RBFOX1: variants seen among roughly 807,000 people sequenced by gnomAD.
RBFOX1 encodes the protein RNA binding protein fox-1 homolog 1.
Under a neutral mutation model 57.7 loss-of-function variants are expected in RBFOX1, and 8 were observed. That is an observed-to-expected ratio of 0.14 (90% CI 0.08 to 0.25). The LOEUF (loss-of-function observed/expected upper bound fraction) is 0.25, where lower values mean the gene tolerates loss of function less well. RBFOX1 is among the 10% of genes least tolerant of loss of function. The pLI, the probability that RBFOX1 is intolerant of heterozygous loss-of-function variation, is 1.00. For missense variants in RBFOX1, 611 were observed against 548.5 expected (o/e 1.11, Z -1.14); for synonymous variants, 326 against 222.4 (o/e 1.47, Z -4.15).
chr16:6,933,367 G>C (rs968463276), intron 3 of RBFOX1, among the ~76,000 whole-genome samples: 1 of 152,202 alleles, frequency 6.6e-6, no homozygotes, highest in African/African-American at 2.4e-5. Context: ...AGTGCACAAG[G>C]GTTCCAATCT....
At chr16:7,236,475 G>C (rs1285123561) in intron 4 of RBFOX1, among the ~76,000 whole-genome samples, 1 of 152,016 alleles carries the variant, frequency 6.6e-6, no homozygotes, top group Non-Finnish European at 1.5e-5. Context: ...ATCTCTTTCT[G>C]CTCCATGGTT....
chr16:7,192,171 G>A (rs866923669), intron 4 of RBFOX1, among the ~76,000 whole-genome samples: 87 of 152,312 alleles, frequency 5.7e-4, no homozygotes, highest in Middle Eastern at 3.4e-3. Flanking sequence ...TCGCAATAGC[G>A]GTTCTAGTTC....
intron 2 of RBFOX1, among the ~76,000 whole-genome samples, chr16:5,474,379 C>T (rs1185650571): frequency 6.6e-6 from 1 of 152,178 alleles, no homozygotes; most frequent in African/African-American, 2.4e-5. Flanking sequence ...GACGGCTAGG[C>T]GCGATGGCTC....
At chr16:7,659,183 A>G (rs2109059) in intron 12 of RBFOX1, among the ~76,000 whole-genome samples, 106,655 of 152,104 alleles carry the variant, frequency 0.7, 38,115 homozygotes, top group Admixed American at 0.78. Flanking sequence ...AGTATTTGAG[A>G]AGACTCTATA....
chr16:6,727,669 G>C, intron 3 of RBFOX1, among the ~76,000 whole-genome samples: 1 of 152,038 alleles, frequency 6.6e-6, no homozygotes, highest in Non-Finnish European at 1.5e-5. Flanking sequence ...GTAGAAATGA[G>C]GAATGTGTCT....
chr16:5,818,219 T>C (rs1476416459), intron 3 of RBFOX1, among the ~76,000 whole-genome samples: 1 of 152,174 alleles, frequency 6.6e-6, no homozygotes, highest in Non-Finnish European at 1.5e-5. Flanking sequence ...TCTGACTCAA[T>C]GGTGCCTCCA....
chr16:5,263,266 C>G (rs1277722133), intron 1 of RBFOX1, among the ~76,000 whole-genome samples: 1 of 152,050 alleles, frequency 6.6e-6, no homozygotes, highest in Non-Finnish European at 1.5e-5. Flanking sequence ...AGAAAAGATA[C>G]TTAACTGGTA....
At chr16:7,097,014 G>T (rs9927621) in intron 4 of RBFOX1, among the ~76,000 whole-genome samples, 33,722 of 150,636 alleles carry the variant, frequency 0.22, 4,541 homozygotes, top group African/African-American at 0.36. Flanking sequence ...ACCAGAAAGC[G>T]AAATGAATCC....
intron 3 of RBFOX1, among the ~76,000 whole-genome samples, chr16:6,867,010 G>T: frequency 1.7e-5 from 1 of 57,410 alleles, no homozygotes. Context: ...TGTGTTAGCT[G>T]TTCTTTAAAA....
At chr16:5,969,126 C>T (rs1043070323) in intron 4 of RBFOX1, among the ~76,000 whole-genome samples, 2 of 151,960 alleles carry the variant, frequency 1.3e-5, no homozygotes, top group African/African-American at 4.8e-5. Context: ...TTTCTTGTAT[C>T]CCTTTCTCAA....
At chr16:5,645,955 G>C (rs942490529) in intron 3 of RBFOX1, among the ~76,000 whole-genome samples, 1 of 151,618 alleles carries the variant, frequency 6.6e-6, no homozygotes, top group African/African-American at 2.4e-5. Flanking sequence ...CCTGCCCCAG[G>C]CTCCTGAGTG....
chr16:5,289,310 T>G, intron 1 of RBFOX1: 2 of 411,916 alleles, frequency 4.9e-6, no homozygotes, highest in South Asian at 3.0e-5. Flanking sequence ...ATGGTCAGCC[T>G]CATTCCAGGA....
intron 4 of RBFOX1, among the ~76,000 whole-genome samples, chr16:7,385,111 A>G (rs993867850): frequency 5.3e-5 from 8 of 152,358 alleles, no homozygotes; most frequent in South Asian, 2.1e-4. Context: ...GGGGCACCAG[A>G]GAGGTCTGAG....
At chr16:6,756,883 G>A (rs1044913981) in intron 3 of RBFOX1, among the ~76,000 whole-genome samples, 19 of 152,116 alleles carry the variant, frequency 1.2e-4, no homozygotes, top group African/African-American at 4.6e-4. Context: ...GCTGAGGCAG[G>A]AGAATTGCTT....
intron 14 of RBFOX1, among the ~76,000 whole-genome samples, chr16:7,692,207 G>A (rs2077499425): frequency 6.6e-6 from 1 of 152,030 alleles, no homozygotes; most frequent in Admixed American, 6.6e-5. Context: ...TTATGTAGGA[G>A]AAAAGTACTA....
intron 1 of RBFOX1, among the ~76,000 whole-genome samples, chr16:6,261,560 G>A (rs1041358292): frequency 1.3e-5 from 2 of 152,150 alleles, no homozygotes; most frequent in African/African-American, 2.4e-5. Flanking sequence ...CCTGGGAATC[G>A]AGCCTTCTCA....
chr16:6,916,445 T>C (rs2153445439), intron 3 of RBFOX1, among the ~76,000 whole-genome samples: 1 of 152,242 alleles, frequency 6.6e-6, no homozygotes, highest in Middle Eastern at 3.4e-3. Flanking sequence ...GGTAATGTGG[T>C]CTAATACACC....
At chr16:7,170,566 T>G (rs1466693501) in intron 4 of RBFOX1, among the ~76,000 whole-genome samples, 3 of 152,254 alleles carry the variant, frequency 2.0e-5, no homozygotes, top group Non-Finnish European at 2.9e-5. Flanking sequence ...AATTTAGCAC[T>G]TTCCATGTGA....
chr16:5,843,485 C>T (rs1479979554), intron 3 of RBFOX1, among the ~76,000 whole-genome samples: 1 of 152,180 alleles, frequency 6.6e-6, no homozygotes, highest in Non-Finnish European at 1.5e-5. Context: ...CTTATGGCTG[C>T]ATAGTATTCC....
Sources: gnomAD v4.1 joint callset for allele counts (sites outside exome capture counted in the v4.1 genomes callset) on GRCh38, gnomAD v4.1.1 for gene constraint, MANE v1.5 for transcripts, NCBI Gene and HGNC (gene_info 2026-07-23, HGNC 2026-07-21) for gene names.